NELL2: variants seen among roughly 807,000 people sequenced by gnomAD.
The protein encoded by NELL2 is protein kinase C-binding protein NELL2.
NELL2 carries 41 observed loss-of-function variants against 109.6 expected under a neutral mutation model. The ratio of observed to expected loss-of-function variants is 0.37; its 90% CI spans 0.29 to 0.49. The LOEUF (loss-of-function observed/expected upper bound fraction) is 0.49. Among genes scored for constraint, NELL2 ranks in the 20% least tolerant of loss-of-function variants. The probability of loss-of-function intolerance (pLI) is 0.98; values close to 1 mark genes in which losing one functional copy is unlikely to be tolerated. For synonymous variants in NELL2, 355 were observed against 344.7 expected (o/e 1.03, Z -0.33); for missense variants, 900 against 1,008.3 (o/e 0.89, Z 1.45).
At chr12:44,540,514 T>G (rs949575634) in intron 15 of NELL2, among the ~76,000 whole-genome samples, 3 of 152,048 alleles carry the variant, frequency 2.0e-5, no homozygotes, top group African/African-American at 7.2e-5. Context: ...TGGAAGTAGC[T>G]GAGTTAATTA....
intron 15 of NELL2, among the ~76,000 whole-genome samples, chr12:44,542,888 C>T (rs1360466503): frequency 6.6e-6 from 1 of 152,114 alleles, no homozygotes; most frequent in Non-Finnish European, 1.5e-5. Context: ...GTTATGTAGC[C>T]ATAGCCAAAG....
At chr12:44,742,438 A>G (rs965013179) in intron 9 of NELL2, among the ~76,000 whole-genome samples, 5 of 152,236 alleles carry the variant, frequency 3.3e-5, no homozygotes, top group African/African-American at 1.2e-4. Flanking sequence ...CTCACCAGCA[A>G]TGAAACAAAG....
intron 3 of NELL2, among the ~76,000 whole-genome samples, chr12:44,808,798 A>G (rs1943083949): frequency 6.6e-6 from 1 of 152,060 alleles, no homozygotes; most frequent in Non-Finnish European, 1.5e-5. Flanking sequence ...ACATGAAGAC[A>G]CATTTTTTCA....
Position 44,790,596 on chromosome 12 carries a change from C to CA in NELL2, c.336-10575dup, listed in dbSNP as rs1435369519. Among the ~76,000 whole-genome samples, 4 of 150,910 alleles carry CA rather than the reference C, an allele frequency of 2.7e-5. No individual in the cohort carries two copies. The Admixed American group carries it at 2.7e-4, about 10-fold the overall frequency. On this transcript the variant is annotated intron_variant, in intron 3 of 19. Coordinates refer to ENST00000429094, the MANE Select transcript of NELL2 (RefSeq NM_001145108.2). ...AAAAGCAAAAACAAAATAACAACAA[C>CA]AACAACAAAAAAAGCCAAAGTACAC...
intron 1 of NELL2, among the ~76,000 whole-genome samples, chr12:44,890,968 G>C (rs911814377): frequency 1.5e-4 from 23 of 152,166 alleles, no homozygotes; most frequent in African/African-American, 5.1e-4. Flanking sequence ...GACCTCAGGT[G>C]ATCCACCCGC....
At chr12:44,603,958 T>C (rs939703981) in intron 15 of NELL2, among the ~76,000 whole-genome samples, 3 of 152,168 alleles carry the variant, frequency 2.0e-5, no homozygotes, top group African/African-American at 7.2e-5. Flanking sequence ...TTCTAAGCTA[T>C]CAGGCAGCAT....
At chr12:44,834,127 C>G (rs1159052282) in intron 2 of NELL2, among the ~76,000 whole-genome samples, 12 of 152,086 alleles carry the variant, frequency 7.9e-5, no homozygotes. Context: ...ACAATAATTT[C>G]CATTTCTAAT....
intron 3 of NELL2, among the ~76,000 whole-genome samples, chr12:44,793,872 C>T (rs1158503693): frequency 6.6e-6 from 1 of 152,102 alleles, no homozygotes; most frequent in Non-Finnish European, 1.5e-5. Context: ...CATTAAAATG[C>T]ACAAAATCGT....
intron 2 of NELL2, among the ~76,000 whole-genome samples, chr12:44,831,676 G>A (rs774774115): frequency 7.9e-5 from 12 of 152,182 alleles, no homozygotes; most frequent in Middle Eastern, 3.4e-3. Flanking sequence ...AGTGACAGGC[G>A]TTATGATCCA....
chr12:44,844,574 A>G, intron 2 of NELL2, among the ~76,000 whole-genome samples: 1 of 152,180 alleles, frequency 6.6e-6, no homozygotes, highest in East Asian at 1.9e-4. Context: ...AGATGCACAA[A>G]CATGCTCGAA....
chr12:44,684,724 G>A (rs1284359421), intron 12 of NELL2, among the ~76,000 whole-genome samples: 1 of 152,086 alleles, frequency 6.6e-6, no homozygotes, highest in Non-Finnish European at 1.5e-5. Flanking sequence ...GTAGTTGAGT[G>A]GTTTTGAGTG....
intron 9 of NELL2, among the ~76,000 whole-genome samples, chr12:44,768,961 CA>C (rs1941441543): frequency 6.6e-6 from 1 of 151,858 alleles, no homozygotes; most frequent in Non-Finnish European, 1.5e-5. Context: ...TTTTCTTTTT[CA>C]CCATAGCCTA....
Position 44,777,284 on chromosome 12 carries a change from T to C in NELL2, c.637A>G (p.Met213Val). Residue 213 changes from methionine to valine, a missense_variant, in exon 6 of 20, where the codon ATG becomes GTG. Physicochemically the swap from Met to Val is conservative, Grantham distance 21. Around this residue, in one of 4 missense-constraint regions of NELL2, gnomAD observed 75 missense variants for 118.9 expected, o/e 0.63. Coordinates refer to ENST00000429094, the MANE Select transcript of NELL2 (RefSeq NM_001145108.2). ...CACTGAGCAATAAATCCCTGGGGCA[T>C]GACAAGTAATTGGACATCTTGCATT... ...GIMQDVQLLV[M>V]PQGFIAQCPD... 2 of 1,613,858 alleles carry C rather than the reference T, an allele frequency of 1.2e-6. No homozygotes were observed. Among genetic ancestry groups the C allele is most frequent in the Non-Finnish European group, 1.7e-6 (2 of 1,179,790 alleles).
At chr12:44,906,711 G>A (rs1211783394) in intron 1 of NELL2, among the ~76,000 whole-genome samples, 1 of 152,078 alleles carries the variant, frequency 6.6e-6, no homozygotes, top group Non-Finnish European at 1.5e-5. Context: ...GGAAGAGATG[G>A]AGAAAGGAAG....
intron 3 of NELL2, among the ~76,000 whole-genome samples, chr12:44,807,221 T>C (rs2136665782): frequency 6.6e-6 from 1 of 151,900 alleles, no homozygotes; most frequent in East Asian, 1.9e-4. Context: ...GAGCCTCTAA[T>C]GTCACTGCAT....
intron 15 of NELL2, among the ~76,000 whole-genome samples, chr12:44,535,703 TTATAG>T (rs1237310723): frequency 6.6e-6 from 1 of 151,902 alleles, no homozygotes; most frequent in African/African-American, 2.4e-5. Context: ...CAACTGAGAC[TTATAG>T]TAGAGTAATA....
At chr12:44,768,311 G>T (rs552811807) in intron 9 of NELL2, among the ~76,000 whole-genome samples, 1 of 135,556 alleles carries the variant, frequency 7.4e-6, no homozygotes, top group South Asian at 2.4e-4. Context: ...CCTTTTTAAA[G>T]GGTTTTTTTT....
upstream of NELL2, among the ~76,000 whole-genome samples, chr12:44,915,908 C>A (rs12832449): frequency 1.3e-5 from 2 of 152,198 alleles, no homozygotes; most frequent in African/African-American, 4.8e-5. Flanking sequence ...TCAGTCCCTG[C>A]AATTTGTTTC....
chr12:44,713,631 T>C (rs1214427650), intron 10 of NELL2, among the ~76,000 whole-genome samples: 2 of 152,096 alleles, frequency 1.3e-5, no homozygotes, highest in East Asian at 1.9e-4. Flanking sequence ...TACTTTATAA[T>C]GGGCATGAAG....
Sources: gnomAD v4.1 joint callset for allele counts (sites outside exome capture counted in the v4.1 genomes callset) on GRCh38, gnomAD v4.1.1 for gene constraint, gnomAD v4.1.1 regional missense constraint, MANE v1.5 for transcripts, NCBI Gene and HGNC (gene_info 2026-07-23, HGNC 2026-07-21) for gene names.